Variants in PNKP observed in about 807,000 individuals in gnomAD.
PNKP encodes polynucleotide kinase 3'-phosphatase.
Under a neutral mutation model 66.2 loss-of-function variants are expected in PNKP, and 82 were observed. That is an observed-to-expected ratio of 1.24 (90% confidence interval 1.04 to 1.49). The LOEUF is 1.49. PNKP is among the 40% of genes most tolerant of loss of function. PNKP has a pLI of 0.00. For synonymous variants in PNKP, 412 were observed against 298.9 expected (o/e 1.38, Z -3.90); for missense variants, 907 against 706.8 (o/e 1.28, Z -3.21).
In PNKP at chr19:49,862,410, C is replaced by T. The variant is rs368069267; in HGVS notation, c.990G>A (p.Lys330=). The T allele has an allele frequency of 3.2e-6, 5 of 1,570,474 alleles. No homozygotes were observed. In the African/African-American group the frequency reaches 6.7e-5, roughly 21 times the overall value. ...PFATPEEFFL[K]WPAAGFELPA... ...GGAGCTCGAAGCCGGCTGCTGGCCA[C>T]TTGAGAAAGAACTCCTCAGGCGTGG... Residue 330 remains lysine, a synonymous_variant, in exon 11 of 17, where the codon AAG becomes AAA. Transcript: ENST00000322344.
chr19:49,865,198 A>G lies in PNKP; in HGVS notation c.427T>C (p.Ser143Pro). 1 of 1,614,134 alleles carries G rather than the reference A, an allele frequency of 6.2e-7. No homozygotes were observed. Among genetic ancestry groups the G allele is most frequent in the Non-Finnish European group, 8.5e-7 (1 of 1,180,006 alleles). ...TCCAAGTTCTCCCAGCCGGGGTTTG[A>G]CTTCCGCATACGCTTCTTCGGCAGC... ...AELPKKRMRK[S>P]NPGWENLEKL... Residue 143 changes from serine to proline, a missense_variant, in exon 4 of 17, where the codon TCA becomes CCA. By Grantham distance (74) the Ser-to-Pro change is moderately conservative. Coordinates refer to ENST00000322344, the MANE Select transcript of PNKP (RefSeq NM_007254.4).
In PNKP at chr19:49,862,007, TTATAA is replaced by T; in HGVS notation, c.1188+32_1188+36del. The T allele has an allele frequency of 1.9e-6, 3 of 1,612,158 alleles. No homozygotes were observed. The African/African-American group carries it at 4.0e-5, about 22-fold the overall frequency. On this transcript the variant is annotated intron_variant, in intron 13 of 16. Coordinates refer to ENST00000322344, the MANE Select transcript of PNKP (RefSeq NM_007254.4). ...CAGTTGAGAGGTGGAGATGGGAACTTTATAATAGATTTGGGGCGGCAAAAGCCTGG... is the reference window on the plus strand; with the variant it reads ...CAGTTGAGAGGTGGAGATGGGAACTTTAGATTTGGGGCGGCAAAAGCCTGG...
Position 49,861,804 on chromosome 19 carries a change from GTCGATGGCGA to G in PNKP, c.1256_1265del (p.Val419AlafsTer45), listed in dbSNP as rs2122321459. On this transcript the variant is annotated frameshift_variant, in exon 14 of 17. Coordinates refer to ENST00000322344, the MANE Select transcript of PNKP (RefSeq NM_007254.4). LOFTEE classifies it high-confidence loss of function. ...GGCTCGCGGCGTCTGGGTTTGTGTT[GTCGATGGCGA>G]CCCGTTTCCCTTGCTTCAGGGCTGT... is the stretch of plus-strand genomic sequence containing the variant. The G allele has an allele frequency of 6.3e-7, 1 of 1,577,482 alleles. No homozygotes were observed. The highest frequency in any genetic ancestry group is 2.4e-5 in the East Asian group (1 of 42,156).
intron 2 of PNKP, 30 bp downstream of exon 2, chr19:49,867,024 C>T (rs973036011): frequency 6.2e-7 from 1 of 1,610,844 alleles, no homozygotes; most frequent in Admixed American, 1.7e-5. Context: ...TGCAGCAGGC[C>T]ACACCCCCTC....
rs761171081 is a variant in PNKP, at chr19:49,865,461, C to T, written c.199-35G>A. On this transcript the variant is annotated intron_variant, in intron 3 of 16. Coordinates refer to ENST00000322344, the MANE Select transcript of PNKP (RefSeq NM_007254.4). ...GAGAGGGAGGAGCTGGGACTGGCTCCGCCCCCACCGGGAGCTTCCTCCAAT... is the reference window on the plus strand; with the variant it reads ...GAGAGGGAGGAGCTGGGACTGGCTCTGCCCCCACCGGGAGCTTCCTCCAAT... 6 of 1,505,378 alleles carry T rather than the reference C, an allele frequency of 4.0e-6. No homozygotes were observed. In the East Asian group the frequency reaches 9.7e-5, roughly 24 times the overall value. The allele number at this position is 1,505,378 out of a possible 1,614,324, so 93.3% of individuals were successfully genotyped here. A position where few individuals can be genotyped will look rare whatever the true frequency, so the allele number is the denominator to read the frequency against.
At chr19:49,862,813 T>G in intron 8 of PNKP, 75 bp from the exon 9 acceptor site, 1 of 1,490,558 alleles carries the variant, frequency 6.7e-7, no homozygotes. Flanking sequence ...TGGGGCTGCT[T>G]CGCCTGGTCT....
Position 49,862,197 on chromosome 19 carries a change from C to T in PNKP, c.1114G>A (p.Gly372Arg). ...SASPEVVVAV[G>R]FPGAGKSTFL... ...ACAGGACACTTACCCCCAGGGAATC[C>T]CACTGCGACAACCACCTCCGGGCTG... Residue 372 changes from glycine to arginine, a missense_variant, in exon 12 of 17, where the codon GGA becomes AGA. Gly to Arg is a moderately radical substitution (Grantham distance 125). Transcript: ENST00000322344. 6.2e-7 allele frequency: 1 copy of T among 1,613,758 alleles called. No individual in the cohort carries two copies. Among genetic ancestry groups the T allele is most frequent in the Non-Finnish European group, 8.5e-7 (1 of 1,179,834 alleles).
At chr19:49,866,922 A>G in intron 2 of PNKP, 132 bp downstream of exon 2, 1 of 865,534 alleles carries the variant, frequency 1.2e-6, no homozygotes, top group Admixed American at 1.7e-5. Context: ...ATCTTCCTGT[A>G]CTCCCTAGAG....
rs2074797854 is a variant in PNKP at position 49,863,776 on chromosome 19, G to A, written c.745-16C>T. ...CCACCAGCACCTGTGGATGGGAGGG[G>A]GCCACCAGCTTTAGCTCCCCCTCAA... On this transcript the variant is annotated splice_polypyrimidine_tract_variant and intron_variant, in intron 7 of 16. Transcript: ENST00000322344. The A allele has an allele frequency of 6.4e-7, 1 of 1,555,220 alleles. No individual in the cohort carries two copies. The highest frequency in any genetic ancestry group is 8.7e-7 in the Non-Finnish European group (1 of 1,148,560).
rs1290405214 is a variant in PNKP, at chr19:49,863,731, G to A, written c.774C>T (p.Tyr258=). The A allele has an allele frequency of 1.2e-5, 18 of 1,559,604 alleles. No homozygotes were observed. Among genetic ancestry groups the A allele is most frequent in the Non-Finnish European group, 1.5e-5 (17 of 1,151,222 alleles). The change falls in exon 8 of 17, where the codon TAC becomes TAT. Residue 258 remains tyrosine, a synonymous_variant. Coordinates refer to ENST00000322344, the MANE Select transcript of PNKP (RefSeq NM_007254.4). ...QVLVATHAGL[Y]RKPVTGMWDH... is the part of the protein sequence containing the mutation. Reference sequence around the variant, plus strand: ...CCCACATGCCCGTCACCGGCTTCCGGTACAAGCCTGCGTGCGTGGCCACCA... The same window carrying A: ...CCCACATGCCCGTCACCGGCTTCCGATACAAGCCTGCGTGCGTGGCCACCA...
rs1398616567 is a variant in PNKP at position 49,864,225 on chromosome 19, G to A, written c.590C>T (p.Pro197Leu). 6.2e-7 allele frequency: 1 copy of A among 1,614,142 alleles called. No homozygotes were observed. ...CTCTCGGAGCTTACGGGGAATCTCTGGGTACAAGATCCTACGGCAGGTATG... is the reference window on the plus strand; with the variant it reads ...CTCTCGGAGCTTACGGGGAATCTCTAGGTACAAGATCCTACGGCAGGTATG... The part of the protein sequence containing the change: ...TGPSDWRILY[P>L]EIPRKLRELE... The change falls in exon 6 of 17, where the codon CCA (proline) becomes CTA (leucine). Residue 197 changes from proline to leucine, a missense_variant. Physicochemically the swap from Pro to Leu is moderately conservative, Grantham distance 98 (BLOSUM62 -3). Coordinates refer to ENST00000322344, the MANE Select transcript of PNKP (RefSeq NM_007254.4).
Position 49,861,848 on chromosome 19 carries a change from T to C in PNKP, c.1222A>G (p.Thr408Ala), listed in dbSNP as rs1381701862. 1.0e-5 allele frequency: 16 copies of C among 1,594,366 alleles called. No individual in the cohort carries two copies. The highest frequency in any genetic ancestry group is 1.4e-5 in the Non-Finnish European group (16 of 1,173,096). The change falls in exon 14 of 17, where the codon ACG (threonine) becomes GCG (alanine). Residue 408 changes from threonine to alanine, a missense_variant. By Grantham distance (58) the Thr-to-Ala change is moderately conservative. Transcript: ENST00000322344. ...TLGSWQRCVT[T>A]CETALKQGKR... The stretch of plus-strand genomic sequence containing the variant: ...CCTTGCTTCAGGGCTGTCTCACACG[T>C]GGTCACACAGCGCTGCCAGGAGCCT...
chr19:49,861,913 C>T (rs745782148), intron 13 of PNKP, 32 bp from the exon 14 acceptor site: 22 of 1,582,082 alleles, frequency 1.4e-5, no homozygotes, highest in South Asian at 2.3e-5. Flanking sequence ...AACAGATCGG[C>T]AGACCCAGGG....
chr19:49,866,979 A>G, intron 2 of PNKP, 75 bp downstream of exon 2: 2 of 1,434,776 alleles, frequency 1.4e-6, no homozygotes, highest in South Asian at 2.3e-5. Context: ...AATCCCGCGT[A>G]GCAGCCAAGC....
intron 2 of PNKP, 31 bp downstream of exon 2, chr19:49,867,023 C>T (rs763097393): frequency 3.1e-6 from 5 of 1,609,986 alleles, no homozygotes; most frequent in Non-Finnish European, 4.3e-6. Context: ...TTGCAGCAGG[C>T]CACACCCCCT....
In PNKP at chr19:49,862,862, C is replaced by T. The variant is rs767475825; in HGVS notation, c.817-124G>A. Reference sequence around the variant, plus strand: ...GGAATCATCCCCCGACCTTTCATGTCCTCACTCTCCAGCCACTTTGCACCG... The same window carrying T: ...GGAATCATCCCCCGACCTTTCATGTTCTCACTCTCCAGCCACTTTGCACCG... On this transcript the variant is annotated intron_variant, in intron 8 of 16. Coordinates refer to ENST00000322344, the MANE Select transcript of PNKP (RefSeq NM_007254.4). 275 of 1,022,898 alleles carry T rather than the reference C, an allele frequency of 2.7e-4. 1 individual carries two copies. Among genetic ancestry groups the T allele is most frequent in the Middle Eastern group, 2.0e-3 (7 of 3,416 alleles). 63.4% of individuals were successfully genotyped at this position (1,022,898 alleles called of 1,614,324 possible).
chr19:49,864,377 C>T lies in PNKP; in HGVS notation c.525G>A (p.Thr175=), dbSNP rs1431267725. The change falls in exon 5 of 17, where the codon ACG becomes ACA. Residue 175 remains threonine, a synonymous_variant. Transcript: ENST00000322344. ...CCTTCCCAGAGCGTGTGGTGATGAG[C>T]GTCCCGTCCAGATCAAAGCCAGCCA... is the stretch of plus-strand genomic sequence containing the variant. The part of the protein sequence containing the change: ...GKVAGFDLDG[T]LITTRSGKVF... 1.2e-6 allele frequency: 2 copies of T among 1,613,966 alleles called. No individual in the cohort carries two copies. Among genetic ancestry groups the T allele is most frequent in the East Asian group, 2.2e-5 (1 of 44,886 alleles).
chr19:49,863,803 C>T (rs1213206861), intron 7 of PNKP, 43 bp from the exon 8 acceptor site: 1 of 1,523,892 alleles, frequency 6.6e-7, no homozygotes, highest in Non-Finnish European at 8.9e-7. Flanking sequence ...CCCCCTCAAG[C>T]ACCTACTGGA....
Position 49,864,233 on chromosome 19 carries a change from G to A in PNKP, c.582C>T (p.Ile194=), listed in dbSNP as rs2074801726. 3 of 1,614,154 alleles carry A rather than the reference G, an allele frequency of 1.9e-6. No individual in the cohort carries two copies. The highest frequency in any genetic ancestry group is 2.5e-6 in the Non-Finnish European group (3 of 1,180,010). Residue 194 remains isoleucine, a synonymous_variant, in exon 6 of 17, where the codon ATC becomes ATT. Transcript: ENST00000322344. ...VFPTGPSDWR[I]LYPEIPRKLR... ...GCTTACGGGGAATCTCTGGGTACAA[G>A]ATCCTACGGCAGGTATGAAGCGGCA...
Sources: gnomAD v4.1 joint callset for allele counts on GRCh38, gnomAD v4.1.1 for gene constraint, MANE v1.5 for transcripts, NCBI Gene and HGNC (gene_info 2026-07-23, HGNC 2026-07-21) for gene names.